Variants in NAALADL2 observed in about 807,000 individuals in gnomAD.
NAALADL2 encodes N-acetylated alpha-linked acidic dipeptidase like 2.
Under a neutral mutation model 87.2 loss-of-function variants are expected in NAALADL2, and 76 were observed. The ratio of observed to expected loss-of-function variants is 0.87; its 90% CI spans 0.72 to 1.05. The LOEUF is 1.05. Among genes scored for constraint, NAALADL2 ranks in the 50% least tolerant of loss-of-function variants. NAALADL2 has a pLI of 0.00. For missense variants in NAALADL2, 1,089 were observed against 945.8 expected, an observed-to-expected ratio of 1.15 and a Z score of -1.99; for synonymous variants, 354 against 331.0, an observed-to-expected ratio of 1.07 and a Z score of -0.75.
chr3:175,746,276 TTAGA>T (rs1745916834), intron 12 of NAALADL2, among the ~76,000 whole-genome samples: 1 of 151,730 alleles, frequency 6.6e-6, no homozygotes, highest in Non-Finnish European at 1.5e-5. Context: ...CCGTGTCCTG[TTAGA>T]TTTGTAGTTT....
intron 1 of NAALADL2, among the ~76,000 whole-genome samples, chr3:174,547,531 A>C (rs1210496600): frequency 6.6e-6 from 1 of 152,042 alleles, no homozygotes; most frequent in East Asian, 1.9e-4. Context: ...TGGGCCTAAT[A>C]ATGTGAATCC....
intron 5 of NAALADL2, among the ~76,000 whole-genome samples, chr3:175,326,581 G>C (rs1480826297): frequency 6.6e-6 from 1 of 152,174 alleles, no homozygotes; most frequent in Non-Finnish European, 1.5e-5. Context: ...ATAATGGAGT[G>C]CTTGAAACTG....
intron 4 of NAALADL2, among the ~76,000 whole-genome samples, chr3:175,277,027 A>G (rs116512192): frequency 0.01 from 1,582 of 152,232 alleles, 33 homozygotes; most frequent in African/African-American, 0.036. Context: ...AAAACTTACA[A>G]TATGCTCACT....
intron 1 of NAALADL2, among the ~76,000 whole-genome samples, chr3:174,876,293 C>T (rs1376467195): frequency 6.6e-6 from 1 of 152,052 alleles, no homozygotes; most frequent in Non-Finnish European, 1.5e-5. Context: ...TTGAAAAAAC[C>T]ATGAAGCTGT....
intron 3 of NAALADL2, among the ~76,000 whole-genome samples, chr3:174,740,558 C>T (rs1304906933): frequency 2.0e-5 from 3 of 151,640 alleles, no homozygotes; most frequent in Non-Finnish European, 4.4e-5. Flanking sequence ...ACTATAGCTC[C>T]TGTGTGAATA....
chr3:174,980,814 T>G (rs991451132), intron 1 of NAALADL2, among the ~76,000 whole-genome samples: 1 of 119,028 alleles, frequency 8.4e-6, no homozygotes, highest in East Asian at 2.4e-4. Flanking sequence ...ACTTGATTAT[T>G]GATTTAGTAT....
At chr3:174,922,082 G>C (rs1354465022) in intron 1 of NAALADL2, among the ~76,000 whole-genome samples, 1 of 151,956 alleles carries the variant, frequency 6.6e-6, no homozygotes, top group Non-Finnish European at 1.5e-5. Context: ...AAGGCAGGAG[G>C]ATTGCTTAAG....
At chr3:174,698,953 G>A (rs1034406139) in intron 2 of NAALADL2, among the ~76,000 whole-genome samples, 1 of 141,230 alleles carries the variant, frequency 7.1e-6, no homozygotes, top group Non-Finnish European at 1.5e-5. Context: ...ATGAATGTGT[G>A]TGTGTGTGTG....
intron 5 of NAALADL2, among the ~76,000 whole-genome samples, chr3:175,352,714 A>G (rs1199713850): frequency 6.6e-6 from 1 of 152,166 alleles, no homozygotes; most frequent in East Asian, 1.9e-4. Flanking sequence ...GAGCAGAGAG[A>G]ATTGAACAGC....
intron 1 of NAALADL2, among the ~76,000 whole-genome samples, chr3:174,987,809 TA>T (rs1441497657): frequency 1.1e-4 from 15 of 133,192 alleles, no homozygotes; most frequent in African/African-American, 4.8e-4. Flanking sequence ...TATATATATA[TA>T]ATTATATATA....
At chr3:175,717,632 A>T (rs1741492610) in intron 11 of NAALADL2, among the ~76,000 whole-genome samples, 1 of 151,344 alleles carries the variant, frequency 6.6e-6, no homozygotes, top group South Asian at 2.1e-4. Context: ...TAGAGGCCAC[A>T]GTGACCCAAG....
At chr3:174,667,358 G>C (rs1726055282) in intron 2 of NAALADL2, among the ~76,000 whole-genome samples, 1 of 152,034 alleles carries the variant, frequency 6.6e-6, no homozygotes. Context: ...TAAGGGCACT[G>C]CTTTGATTCT....
chr3:174,785,944 T>C (rs1003110148), intron 3 of NAALADL2, among the ~76,000 whole-genome samples: 1 of 152,158 alleles, frequency 6.6e-6, no homozygotes, highest in East Asian at 1.9e-4. Context: ...TTGATATTGA[T>C]TCCTTTTTCC....
intron 2 of NAALADL2, among the ~76,000 whole-genome samples, chr3:174,554,937 G>C (rs762360969): frequency 1.8e-4 from 28 of 152,176 alleles, no homozygotes; most frequent in Non-Finnish European, 3.7e-4. Flanking sequence ...ATTTCTCATA[G>C]ATGGTGTTCT....
At chr3:175,591,784 G>GTGTGTGTA (rs1443245536) in intron 10 of NAALADL2, among the ~76,000 whole-genome samples, 135 of 136,814 alleles carry the variant, frequency 9.9e-4, no homozygotes, top group Non-Finnish European at 1.6e-3. Flanking sequence ...GTGTGTGTGT[G>GTGTGTGTA]TATATATATA....
chr3:175,370,401 A>G (rs1766316749), intron 5 of NAALADL2, among the ~76,000 whole-genome samples: 1 of 152,198 alleles, frequency 6.6e-6, no homozygotes, highest in African/African-American at 2.4e-5. Flanking sequence ...AAAACCCCAT[A>G]TAAAATGGAA....
intron 11 of NAALADL2, among the ~76,000 whole-genome samples, chr3:175,660,238 G>A (rs1364078776): frequency 1.3e-5 from 2 of 152,058 alleles, no homozygotes; most frequent in Non-Finnish European, 2.9e-5. Flanking sequence ...GTACATTTTG[G>A]AGGGACAGAA....
At chr3:174,667,012 G>GC (rs1726013770) in intron 2 of NAALADL2, among the ~76,000 whole-genome samples, 1 of 152,062 alleles carries the variant, frequency 6.6e-6, no homozygotes, top group African/African-American at 2.4e-5. Flanking sequence ...TGACAAGATG[G>GC]CCTTCTTTCT....
chr3:175,183,837 A>G (rs2109009233), intron 2 of NAALADL2, among the ~76,000 whole-genome samples: 1 of 152,146 alleles, frequency 6.6e-6, no homozygotes, highest in Non-Finnish European at 1.5e-5. Context: ...TTTGAGTCCT[A>G]TTATTTCTTA....
Sources: gnomAD v4.1 joint callset for allele counts (sites outside exome capture counted in the v4.1 genomes callset) on GRCh38, gnomAD v4.1.1 for gene constraint, MANE v1.5 for transcripts, NCBI Gene and HGNC (gene_info 2026-07-23, HGNC 2026-07-21) for gene names.